AGBL4: variants seen among roughly 807,000 people sequenced by gnomAD.
The protein encoded by AGBL4 is cytosolic carboxypeptidase 6.
AGBL4 carries 58 observed loss-of-function variants against 66.4 expected under a neutral mutation model. The observed-to-expected ratio is 0.87, with a 90% CI of 0.71 to 1.09. AGBL4 has a LOEUF of 1.09. Ranked by LOEUF, AGBL4 falls within the 50% of genes least tolerant of loss-of-function variation. AGBL4 has a pLI of 0.00. For synonymous variants in AGBL4, 234 were observed against 222.9 expected (o/e 1.05, Z -0.44); for missense variants, 579 against 631.0 (o/e 0.92, Z 0.88).
chr1:49,964,591 G>A (rs1213317449), intron 1 of AGBL4, among the ~76,000 whole-genome samples: 2 of 151,966 alleles, frequency 1.3e-5, no homozygotes, highest in Non-Finnish European at 2.9e-5. Context: ...TGCTTTATTA[G>A]ATACTGTAAT....
intron 4 of AGBL4, among the ~76,000 whole-genome samples, chr1:49,165,851 A>G (rs1359159381): frequency 6.6e-6 from 1 of 152,118 alleles, no homozygotes; most frequent in African/African-American, 2.4e-5. Flanking sequence ...CACTAAGCAC[A>G]GGTCCTCTCA....
intron 11 of AGBL4, among the ~76,000 whole-genome samples, chr1:48,552,275 G>T (rs899422017): frequency 2.0e-5 from 3 of 152,050 alleles, no homozygotes; most frequent in African/African-American, 7.3e-5. Flanking sequence ...TGCTGATCAG[G>T]CTTGTCTCGA....
intron 2 of AGBL4, among the ~76,000 whole-genome samples, chr1:49,719,723 C>T (rs1431436996): frequency 6.6e-6 from 1 of 152,012 alleles, no homozygotes; most frequent in Non-Finnish European, 1.5e-5. Flanking sequence ...AATTGTAGTT[C>T]CTATAATTCC....
At chr1:48,729,848 A>T (rs1162903557) in intron 6 of AGBL4, among the ~76,000 whole-genome samples, 2 of 151,990 alleles carry the variant, frequency 1.3e-5, no homozygotes, top group Admixed American at 6.6e-5. Context: ...ACTATTCCCA[A>T]GCCTGACTAA....
At chr1:49,723,294 G>A (rs1341028934) in intron 2 of AGBL4, among the ~76,000 whole-genome samples, 1 of 151,780 alleles carries the variant, frequency 6.6e-6, no homozygotes, top group Non-Finnish European at 1.5e-5. Flanking sequence ...ATTTATTTAG[G>A]TCAGAAAAAC....
chr1:48,644,454 G>A (rs1645803650), intron 8 of AGBL4, among the ~76,000 whole-genome samples: 1 of 152,148 alleles, frequency 6.6e-6, no homozygotes, highest in Non-Finnish European at 1.5e-5. Flanking sequence ...AACTCCTTAA[G>A]GGCAGCGCGG....
intron 6 of AGBL4, among the ~76,000 whole-genome samples, chr1:48,850,306 C>T (rs1647006178): frequency 6.6e-6 from 1 of 152,124 alleles, no homozygotes; most frequent in Non-Finnish European, 1.5e-5. Context: ...GCTGTCAGAT[C>T]CCAGAATCAT....
intron 4 of AGBL4, among the ~76,000 whole-genome samples, chr1:49,235,281 T>G (rs571967057): frequency 7.2e-5 from 11 of 152,330 alleles, no homozygotes; most frequent in Admixed American, 6.5e-4. Context: ...AGAGAGAATT[T>G]AAGCAGCACA....
intron 11 of AGBL4, among the ~76,000 whole-genome samples, chr1:48,572,385 C>T (rs989803875): frequency 2.0e-5 from 3 of 151,070 alleles, no homozygotes; most frequent in African/African-American, 4.9e-5. Flanking sequence ...TTCCACTATT[C>T]GCCTTGAGAG....
At chr1:48,876,744 C>G (rs12410131) in intron 5 of AGBL4, among the ~76,000 whole-genome samples, 55,711 of 151,950 alleles carry the variant, frequency 0.37, 10,692 homozygotes, top group East Asian at 0.7. Flanking sequence ...TTTTTTAATA[C>G]CTGTTCCCTG....
At chr1:49,015,716 G>A (rs1260867155) in intron 5 of AGBL4, among the ~76,000 whole-genome samples, 1 of 151,916 alleles carries the variant, frequency 6.6e-6, no homozygotes, top group East Asian at 1.9e-4. Flanking sequence ...GAGCCACCGC[G>A]CCTGGCCTCA....
At chr1:49,116,626 G>T (rs1645529446) in intron 4 of AGBL4, among the ~76,000 whole-genome samples, 1 of 152,168 alleles carries the variant, frequency 6.6e-6, no homozygotes, top group African/African-American at 2.4e-5. Flanking sequence ...ATCATTGATG[G>T]ACATTTGGGT....
intron 3 of AGBL4, among the ~76,000 whole-genome samples, chr1:49,262,338 C>A (rs916183657): frequency 6.6e-6 from 1 of 152,064 alleles, no homozygotes; most frequent in African/African-American, 2.4e-5. Context: ...TTCTGCACAG[C>A]AAAAGAAACT....
chr1:49,022,111 A>C (rs1009671961), intron 5 of AGBL4, among the ~76,000 whole-genome samples: 5 of 152,242 alleles, frequency 3.3e-5, no homozygotes, highest in Non-Finnish European at 5.9e-5. Flanking sequence ...GTTGCAGTGC[A>C]TATTAATATC....
intron 4 of AGBL4, among the ~76,000 whole-genome samples, chr1:49,064,756 G>T (rs773546894): frequency 8.5e-5 from 13 of 152,056 alleles, no homozygotes; most frequent in Non-Finnish European, 1.8e-4. Context: ...TGTTGAGAAA[G>T]AAAAATTTGA....
At chr1:49,337,045 A>G (rs950230351) in intron 3 of AGBL4, among the ~76,000 whole-genome samples, 2 of 152,218 alleles carry the variant, frequency 1.3e-5, no homozygotes, top group Non-Finnish European at 2.9e-5. Context: ...TTTTCTAATC[A>G]TCTCAAGAAA....
chr1:48,731,272 T>TA (rs74636032), intron 6 of AGBL4, among the ~76,000 whole-genome samples: 5,990 of 145,858 alleles, frequency 0.041, 396 homozygotes, highest in African/African-American at 0.14. Flanking sequence ...CTGTCTTTAG[T>TA]AAAAAAAAAA....
intron 6 of AGBL4, among the ~76,000 whole-genome samples, chr1:48,668,201 C>T (rs1180050109): frequency 2.6e-5 from 4 of 152,148 alleles, no homozygotes; most frequent in Non-Finnish European, 5.9e-5. Context: ...AACAAGACAT[C>T]GCTGTAGCAA....
intron 5 of AGBL4, among the ~76,000 whole-genome samples, chr1:49,018,126 CG>C (rs1267558447): frequency 1.3e-5 from 2 of 152,154 alleles, no homozygotes; most frequent in Non-Finnish European, 2.9e-5. Flanking sequence ...TACCTGACCC[CG>C]CCTTTGATTC....
Sources: gnomAD v4.1 joint callset for allele counts (sites outside exome capture counted in the v4.1 genomes callset) on GRCh38, gnomAD v4.1.1 for gene constraint, MANE v1.5 for transcripts, NCBI Gene and HGNC (gene_info 2026-07-23, HGNC 2026-07-21) for gene names.